Variants in TIAM1 observed in about 807,000 individuals in gnomAD.
TIAM1 encodes rho guanine nucleotide exchange factor TIAM1.
Under a neutral mutation model 163.5 loss-of-function variants are expected in TIAM1, and 65 were observed. The observed-to-expected ratio is 0.40, with a 90% CI of 0.33 to 0.49. TIAM1 has a LOEUF of 0.49. Among genes scored for constraint, TIAM1 ranks in the 20% least tolerant of loss-of-function variants. The pLI is 0.77. For synonymous variants in TIAM1, 833 were observed against 810.1 expected (o/e 1.03, Z -0.48); for missense variants, 1,789 against 2,044.7 (o/e 0.87, Z 2.41).
rs375715720 is a variant in TIAM1, at chr21:31,363,783, G to A, written c.-368-24361C>T. Among the ~76,000 whole-genome samples the A allele has an allele frequency of 9.2e-5, 14 of 152,210 alleles. No individual in the cohort carries two copies. In the East Asian group the frequency reaches 9.7e-4, roughly 11 times the overall value. On this transcript the variant is annotated intron_variant, in intron 2 of 28. Coordinates refer to the TIAM1 transcript ENST00000286827. ...TGCTAGCATCCAGATTACAATCTTA[G>A]AGTTCTTCCAGAAGAAAGCTCTCTG... is the stretch of plus-strand genomic sequence containing the variant.
At chr21:31,198,212 A>T (rs909940216) in intron 12 of TIAM1, among the ~76,000 whole-genome samples, 2 of 152,226 alleles carry the variant, frequency 1.3e-5, no homozygotes, top group East Asian at 1.9e-4. Context: ...TTATTCAGGC[A>T]GGTAGAAAAG....
At chr21:31,172,896 G>A (rs939266569) in intron 15 of TIAM1, among the ~76,000 whole-genome samples, 4 of 151,826 alleles carry the variant, frequency 2.6e-5, no homozygotes, top group East Asian at 1.9e-4. Context: ...AAAAAACTGC[G>A]GTAACCCTGT....
intron 2 of TIAM1, among the ~76,000 whole-genome samples, chr21:31,451,783 G>GAGATAA (rs2044868830): frequency 7.0e-6 from 1 of 142,246 alleles, no homozygotes; most frequent in Admixed American, 6.9e-5. Flanking sequence ...GAGAGAGAGA[G>GAGATAA]AGAGAGATAA....
rs182762994 is a variant in TIAM1 at position 31,363,588 on chromosome 21, C to T, written c.-368-24166G>A. Among the ~76,000 whole-genome samples the T allele has an allele frequency of 8.8e-4, 134 of 152,196 alleles. 1 individual carries two copies. In the Middle Eastern group the frequency reaches 0.017, roughly 19 times the overall value. ...TGATGTCTTTTAAAACTGCACCTTA[C>T]ATGTCTTCTCCTTGATTAACACCCT... On this transcript the variant is annotated intron_variant, in intron 2 of 28. Coordinates refer to the TIAM1 transcript ENST00000286827.
At position 31,148,286 on chromosome 21, in the gene TIAM1, A is replaced by G. The variant is rs149381796; in HGVS notation, c.3367-1283T>C. The stretch of plus-strand genomic sequence containing the variant: ...ATAATCCCCATATGTTGTGAGAGGT[A>G]ACTGAATAATGGAGGCAGGTTTTTC... On this transcript the variant is annotated intron_variant, in intron 19 of 27. Transcript: ENST00000541036. 1.4e-4 allele frequency among the ~76,000 whole-genome samples: 22 copies of G among 152,244 alleles called. No individual in the cohort carries two copies. The East Asian group carries it at 4.3e-3, about 29-fold the overall frequency.
At chr21:31,369,875 C>T (rs956447326) in intron 2 of TIAM1, among the ~76,000 whole-genome samples, 1 of 152,128 alleles carries the variant, frequency 6.6e-6, no homozygotes, top group African/African-American at 2.4e-5. Context: ...ATCCCATCTA[C>T]TCAGGAGGCT....
chr21:31,161,491 C>T (rs961349921), intron 16 of TIAM1, among the ~76,000 whole-genome samples: 19 of 152,176 alleles, frequency 1.2e-4, no homozygotes, highest in South Asian at 2.1e-4. Context: ...AGTACCACCA[C>T]GCTCAACAAC....
intron 1 of TIAM1, among the ~76,000 whole-genome samples, chr21:31,518,214 G>A (rs564883300): frequency 1.3e-5 from 2 of 152,288 alleles, no homozygotes; most frequent in Admixed American, 6.5e-5. Flanking sequence ...TACAGTTGGG[G>A]CCAGTGGAAC....
intron 15 of TIAM1, among the ~76,000 whole-genome samples, chr21:31,169,292 T>G (rs1022752192): frequency 6.8e-4 from 101 of 147,748 alleles, no homozygotes; most frequent in Admixed American, 5.8e-3. Context: ...AGACTCCGTC[T>G]CAAATAATAA....
At chr21:31,557,572 C>G (rs2048923467) in intron 1 of TIAM1, among the ~76,000 whole-genome samples, 1 of 152,154 alleles carries the variant, frequency 6.6e-6, no homozygotes, top group African/African-American at 2.4e-5. Flanking sequence ...TTTGTTTGAC[C>G]TCAGCGCACA....
intron 8 of TIAM1, among the ~76,000 whole-genome samples, chr21:31,219,299 G>T (rs555251723): frequency 9.9e-5 from 15 of 152,060 alleles, no homozygotes; most frequent in Non-Finnish European, 2.1e-4. Context: ...CCACCCACCC[G>T]CTCGCCTTTC....
chr21:31,356,162 T>A (rs1223071373), intron 2 of TIAM1, among the ~76,000 whole-genome samples: 1 of 152,178 alleles, frequency 6.6e-6, no homozygotes, highest in African/African-American at 2.4e-5. Context: ...TCCTTCTGAA[T>A]CCTTAACAGC....
intron 1 of TIAM1, among the ~76,000 whole-genome samples, chr21:31,523,039 C>T (rs1367975826): frequency 1.3e-5 from 2 of 152,220 alleles, no homozygotes; most frequent in South Asian, 2.1e-4. Flanking sequence ...CGGATTTCAA[C>T]AGCACCCAAT....
chr21:31,387,262 G>A (rs757036968), intron 2 of TIAM1, among the ~76,000 whole-genome samples: 6 of 134,420 alleles, frequency 4.5e-5, no homozygotes, highest in Non-Finnish European at 7.6e-5. Flanking sequence ...CGCTCGTGTC[G>A]TCCAGGCTGG....
At chr21:31,209,355 C>G (rs1358854385) in intron 11 of TIAM1, among the ~76,000 whole-genome samples, 1 of 152,220 alleles carries the variant, frequency 6.6e-6, no homozygotes, top group African/African-American at 2.4e-5. Context: ...AGACCATTCA[C>G]CTGGCTGCCC....
intron 2 of TIAM1, among the ~76,000 whole-genome samples, chr21:31,334,836 G>A (rs1321416883): frequency 6.6e-6 from 1 of 152,134 alleles, no homozygotes; most frequent in Non-Finnish European, 1.5e-5. Flanking sequence ...ATGTACCAGG[G>A]CGCCCAGCCT....
intron 2 of TIAM1, among the ~76,000 whole-genome samples, chr21:31,363,898 G>A (rs865780983): frequency 6.6e-6 from 1 of 152,112 alleles, no homozygotes; most frequent in Non-Finnish European, 1.5e-5. Flanking sequence ...GGAAAAAAAG[G>A]GGGAGGGGGT....
chr21:31,388,252 C>CAG (rs2076911513), intron 2 of TIAM1, among the ~76,000 whole-genome samples: 1 of 92,652 alleles, frequency 1.1e-5, no homozygotes, highest in African/African-American at 4.0e-5. Context: ...CACACACACA[C>CAG]ACACACAACC....
intron 8 of TIAM1, among the ~76,000 whole-genome samples, chr21:31,218,356 T>C (rs1007439730): frequency 6.6e-6 from 1 of 152,156 alleles, no homozygotes; most frequent in East Asian, 1.9e-4. Flanking sequence ...TCACCTGAGG[T>C]CAGGAGTTCG....
Sources: allele counts gnomAD v4.1 joint callset (sites outside exome capture counted in the v4.1 genomes callset), GRCh38; gene constraint gnomAD v4.1.1; transcripts MANE v1.5; gene names NCBI Gene and HGNC (gene_info 2026-07-23, HGNC 2026-07-21).